GORASP2: variants seen among roughly 807,000 people sequenced by gnomAD.
GORASP2 encodes the protein golgi reassembly stacking protein 2.
Under a neutral mutation model 45.7 loss-of-function variants are expected in GORASP2, and 22 were observed. That is an observed-to-expected ratio of 0.48 (90% CI 0.34 to 0.69). The LOEUF is 0.69. Among genes scored for constraint, GORASP2 ranks in the 30% least tolerant of loss-of-function variants. GORASP2 has a pLI of 0.01. For missense variants in GORASP2, 491 were observed against 562.7 expected, an observed-to-expected ratio of 0.87 and a Z score of 1.29; for synonymous variants, 221 against 215.6, an observed-to-expected ratio of 1.02 and a Z score of -0.22.
intron 1 of GORASP2, among the ~76,000 whole-genome samples, chr2:170,936,884 AAATT>A (rs1040153879): frequency 6.6e-5 from 10 of 152,108 alleles, no homozygotes; most frequent in South Asian, 2.1e-4. Context: ...AGCGTCTCTA[AAATT>A]AATTAATTAA....
At chr2:170,935,362 C>T (rs1169328033) in intron 1 of GORASP2, among the ~76,000 whole-genome samples, 1 of 152,074 alleles carries the variant, frequency 6.6e-6, no homozygotes, top group Non-Finnish European at 1.5e-5. Flanking sequence ...TCAAGTGATT[C>T]TCCTGCCTCA....
chr2:170,939,188 C>G (rs1057278412), intron 1 of GORASP2, among the ~76,000 whole-genome samples: 5 of 152,144 alleles, frequency 3.3e-5, no homozygotes, highest in African/African-American at 7.2e-5. Context: ...CAGATCTTTT[C>G]TGGAAAACTA....
intron 8 of GORASP2, 34 bp from the exon 9 acceptor site, chr2:170,962,805 A>T (rs760824936): frequency 5.0e-5 from 69 of 1,386,598 alleles, no homozygotes; most frequent in Non-Finnish European, 6.9e-5. Context: ...AGGTCAAGTG[A>T]TTTCTCTTTT....
In GORASP2 at chr2:170,929,705, C is replaced by T. The variant is rs549945507; in HGVS notation, c.63+302C>T. ...GGGACAACCTTGCTCTTTTTCCGCA[C>T]GGCCTTCTCTCTCCTCCACCCCCCC... On this transcript the variant is annotated intron_variant, in intron 1 of 9. Coordinates refer to ENST00000234160, the MANE Select transcript of GORASP2 (RefSeq NM_015530.5). 1.2e-4 allele frequency: 74 copies of T among 603,078 alleles called. 1 individual carries two copies. The African/African-American group carries it at 1.2e-3, about 10-fold the overall frequency. 37.4% of individuals were successfully genotyped at this position (603,078 alleles called of 1,614,324 possible).
At chr2:170,937,157 G>A (rs930475025) in intron 1 of GORASP2, among the ~76,000 whole-genome samples, 2 of 151,668 alleles carry the variant, frequency 1.3e-5, no homozygotes, top group African/African-American at 4.8e-5. Context: ...GCAGTGAGCC[G>A]AGATGGTGCC....
chr2:170,941,224 T>A (rs556633092), intron 1 of GORASP2, among the ~76,000 whole-genome samples: 2 of 152,356 alleles, frequency 1.3e-5, no homozygotes, highest in East Asian at 3.9e-4. Context: ...TCATAATTTC[T>A]TCTACCTATC....
chr2:170,964,001 C>G (rs766775570), intron 9 of GORASP2, among the ~76,000 whole-genome samples: 8 of 152,136 alleles, frequency 5.3e-5, no homozygotes, highest in Non-Finnish European at 1.2e-4. Context: ...TGAATATTCT[C>G]CATTATTTAC....
intron 8 of GORASP2, 127 bp downstream of exon 8, chr2:170,961,876 T>C: frequency 1.4e-6 from 1 of 696,606 alleles, no homozygotes; most frequent in Non-Finnish European, 2.6e-6. Context: ...AGTTTATCTC[T>C]GCAATAAGTT....
intron 1 of GORASP2, among the ~76,000 whole-genome samples, chr2:170,945,142 A>G (rs1416003389): frequency 7.9e-5 from 12 of 152,156 alleles, no homozygotes; most frequent in African/African-American, 2.2e-4. Context: ...AGAATATGAA[A>G]TAACCCCCAT....
Position 170,949,622 on chromosome 2 carries a change from A to T in GORASP2, c.228A>T (p.Thr76=), listed in dbSNP as rs748969984. 5 of 1,614,092 alleles carry T rather than the reference A, an allele frequency of 3.1e-6. No homozygotes were observed. In the Admixed American group the frequency reaches 6.7e-5, roughly 22 times the overall value. ...AGATGCTTATCTATAGCAGCAAAAC[A>T]TTGGAACTGCGAGAGACCTCAGTCA... ...PVKMLIYSSK[T]LELRETSVTP... Residue 76 remains threonine (T), a synonymous_variant, in exon 3 of 10, where the codon ACA becomes ACT. Coordinates refer to ENST00000234160, the MANE Select transcript of GORASP2 (RefSeq NM_015530.5).
chr2:170,929,368 C>A lies in GORASP2; in HGVS notation c.28C>A (p.Pro10Thr). 1 of 1,409,994 alleles carries A rather than the reference C, an allele frequency of 7.1e-7. No individual in the cohort carries two copies. The highest frequency in any genetic ancestry group is 2.9e-5 in the East Asian group (1 of 34,220). 87.3% of individuals were successfully genotyped at this position (1,409,994 alleles called of 1,614,324 possible). MGSSQSVEI[P>T]GGGTEGYHVL... Reference sequence around the variant, plus strand: ...GGGCTCCTCGCAAAGCGTCGAGATCCCGGGCGGGGGCACCGAGGGCTACCA... The same window carrying A: ...GGGCTCCTCGCAAAGCGTCGAGATCACGGGCGGGGGCACCGAGGGCTACCA... The change falls in exon 1 of 10, where the codon CCG (proline) becomes ACG (threonine). Residue 10 changes from proline to threonine, a missense_variant. Coordinates refer to ENST00000234160, the MANE Select transcript of GORASP2 (RefSeq NM_015530.5).
intron 8 of GORASP2, among the ~76,000 whole-genome samples, chr2:170,962,365 T>C (rs948524066): frequency 1.3e-5 from 2 of 152,266 alleles, no homozygotes; most frequent in Non-Finnish European, 2.9e-5. Context: ...TGTGCTGATA[T>C]GTGGACATGT....
chr2:170,957,605 C>T (rs1036626830), intron 7 of GORASP2, among the ~76,000 whole-genome samples: 2 of 152,156 alleles, frequency 1.3e-5, no homozygotes, highest in Non-Finnish European at 2.9e-5. Context: ...CTTGTTCTAC[C>T]TGATATAGTC....
chr2:170,931,323 C>G (rs1238375617), intron 1 of GORASP2, among the ~76,000 whole-genome samples: 1 of 152,114 alleles, frequency 6.6e-6, no homozygotes, highest in South Asian at 2.1e-4. Flanking sequence ...ACCCTCTGCC[C>G]CTGATTCTGT....
In GORASP2 at chr2:170,959,270, G is replaced by A. The variant is rs577445888; in HGVS notation, c.824-2393G>A. Among the ~76,000 whole-genome samples the A allele has an allele frequency of 9.4e-4, 143 of 152,248 alleles. 1 individual carries two copies. The highest frequency in any genetic ancestry group is 1.5e-3 in the Non-Finnish European group (101 of 68,010). On this transcript the variant is annotated intron_variant, in intron 7 of 9. Coordinates refer to ENST00000234160, the MANE Select transcript of GORASP2 (RefSeq NM_015530.5). ...AGCCATCGTGCCCGGCCCCAGATGCGCTTCTGATTTTAGGCGATAGTTGAC... is the reference window on the plus strand; with the variant it reads ...AGCCATCGTGCCCGGCCCCAGATGCACTTCTGATTTTAGGCGATAGTTGAC...
chr2:170,939,157 C>T (rs983959492), intron 1 of GORASP2, among the ~76,000 whole-genome samples: 1 of 152,068 alleles, frequency 6.6e-6, no homozygotes, highest in Non-Finnish European at 1.5e-5. Context: ...CAATTTCTTT[C>T]GATGTTGTTT....
intron 1 of GORASP2, among the ~76,000 whole-genome samples, chr2:170,935,181 A>G (rs1173532981): frequency 2.6e-5 from 4 of 152,236 alleles, no homozygotes; most frequent in Non-Finnish European, 5.9e-5. Context: ...ACTTTTAGGA[A>G]TTATATCATT....
chr2:170,966,356 A>C lies in GORASP2; in HGVS notation c.*226A>C. 1 of 564,884 alleles carries C rather than the reference A, an allele frequency of 1.8e-6. No homozygotes were observed. The allele number at this position is 564,884 out of a possible 1,614,324, so 35.0% of individuals were successfully genotyped here. ...AAAGCGCTTGTATTTTAAACAACCA[A>C]AAAGAATTGTAAGGGTGGCTTGCTG... On this transcript the variant is annotated 3_prime_UTR_variant, in exon 10 of 10. Coordinates refer to ENST00000234160, the MANE Select transcript of GORASP2 (RefSeq NM_015530.5).
intron 1 of GORASP2, among the ~76,000 whole-genome samples, chr2:170,943,674 T>C (rs915284386): frequency 3.9e-5 from 6 of 152,000 alleles, no homozygotes; most frequent in Non-Finnish European, 8.8e-5. Flanking sequence ...TAAAATCTTA[T>C]TTATTTATTT....
Sources: allele counts gnomAD v4.1 joint callset (sites outside exome capture counted in the v4.1 genomes callset), GRCh38; gene constraint gnomAD v4.1.1; transcripts MANE v1.5; gene names NCBI Gene and HGNC (gene_info 2026-07-23, HGNC 2026-07-21).